IQCM: variants seen among roughly 807,000 people sequenced by gnomAD.
The protein encoded by IQCM is IQ motif containing M, also known as IQ domain-containing protein M.
In IQCM, 45 loss-of-function variants were observed where a neutral mutation model predicts 57.6. The ratio of observed to expected loss-of-function variants is 0.78; its 90% CI spans 0.62 to 1.00. IQCM has a LOEUF of 1.00. Among genes scored for constraint, IQCM ranks in the 50% least tolerant of loss-of-function variants. The pLI is 0.00. For missense variants in IQCM, 468 were observed against 511.6 expected, an observed-to-expected ratio of 0.91 and a Z score of 0.82; for synonymous variants, 148 against 158.9, an observed-to-expected ratio of 0.93 and a Z score of 0.51.
intron 9 of IQCM, among the ~76,000 whole-genome samples, chr4:149,578,681 A>T (rs1751887764): frequency 6.6e-6 from 1 of 151,876 alleles, no homozygotes; most frequent in Non-Finnish European, 1.5e-5. Context: ...TTTAGATTAT[A>T]GGGCTCCAGA....
At chr4:149,738,367 T>A (rs1202470091) in intron 3 of IQCM, among the ~76,000 whole-genome samples, 2 of 152,166 alleles carry the variant, frequency 1.3e-5, no homozygotes, top group African/African-American at 4.8e-5. Context: ...TGCAGCTGTT[T>A]CGACTTCCCC....
intron 2 of IQCM, among the ~76,000 whole-genome samples, chr4:149,752,562 A>AAAC (rs1349959217): frequency 6.6e-6 from 1 of 151,880 alleles, no homozygotes; most frequent in Non-Finnish European, 1.5e-5. Context: ...AAAAAAAAAA[A>AAAC]AAAAATGGCT....
At chr4:149,591,464 T>C (rs902637353) in intron 8 of IQCM, among the ~76,000 whole-genome samples, 9 of 152,090 alleles carry the variant, frequency 5.9e-5, no homozygotes, top group Non-Finnish European at 1.5e-5. Flanking sequence ...GGTTTTTTTT[T>C]TTAATACTTT....
chr4:149,511,135 T>C (rs1463522968), intron 12 of IQCM, among the ~76,000 whole-genome samples: 2 of 152,212 alleles, frequency 1.3e-5, no homozygotes, highest in Non-Finnish European at 2.9e-5. Flanking sequence ...GACATGTCTA[T>C]GATATTCTTC....
chr4:149,413,083 TG>T (rs1277408849), intron 13 of IQCM, among the ~76,000 whole-genome samples: 1 of 152,192 alleles, frequency 6.6e-6, no homozygotes, highest in Non-Finnish European at 1.5e-5. Context: ...TGAACATGTA[TG>T]CACATTATAA....
At chr4:149,399,373 C>T (rs759199829) in intron 13 of IQCM, among the ~76,000 whole-genome samples, 11 of 151,312 alleles carry the variant, frequency 7.3e-5, no homozygotes, top group South Asian at 2.1e-4. Flanking sequence ...ATTAATTAGA[C>T]GAAGTGGAAG....
At chr4:149,592,465 G>T (rs1753291349) in intron 8 of IQCM, among the ~76,000 whole-genome samples, 1 of 151,952 alleles carries the variant, frequency 6.6e-6, no homozygotes, top group Admixed American at 6.6e-5. Flanking sequence ...AGTTTAATTA[G>T]ATCCCATTTG....
chr4:149,793,848 G>C (rs773926934), intron 2 of IQCM: 6 of 152,210 alleles, frequency 3.9e-5, no homozygotes, highest in Non-Finnish European at 5.9e-5. Context: ...CATTCTAAAT[G>C]CATGCTACTG....
intron 2 of IQCM, among the ~76,000 whole-genome samples, chr4:149,763,034 T>C (rs1301655270): frequency 1.3e-5 from 2 of 152,082 alleles, no homozygotes; most frequent in Non-Finnish European, 2.9e-5. Context: ...AGAAGTTAAA[T>C]TCAAAAGGCT....
intron 13 of IQCM, among the ~76,000 whole-genome samples, chr4:149,385,410 G>A (rs1446924162): frequency 6.6e-6 from 1 of 152,048 alleles, no homozygotes; most frequent in Non-Finnish European, 1.5e-5. Context: ...AATAGGGTAA[G>A]TTGACGAAAC....
At chr4:149,686,716 G>T (rs1762566567) in intron 5 of IQCM, among the ~76,000 whole-genome samples, 1 of 151,520 alleles carries the variant, frequency 6.6e-6, no homozygotes, top group African/African-American at 2.4e-5. Context: ...TATCAGAAAG[G>T]AGATTGCTCT....
intron 2 of IQCM, among the ~76,000 whole-genome samples, chr4:149,801,048 C>G (rs79182611): frequency 1.3e-5 from 2 of 151,678 alleles, no homozygotes; most frequent in East Asian, 3.9e-4. Flanking sequence ...ATTTTTGGGG[C>G]AAAATATTTG....
intron 2 of IQCM, among the ~76,000 whole-genome samples, chr4:149,779,934 T>C (rs573179454): frequency 6.6e-6 from 1 of 152,204 alleles, no homozygotes; most frequent in East Asian, 1.9e-4. Flanking sequence ...ACAAAATTGG[T>C]GAAACACTGA....
At chr4:149,725,004 A>T (rs956212989) in intron 5 of IQCM, among the ~76,000 whole-genome samples, 3 of 152,158 alleles carry the variant, frequency 2.0e-5, no homozygotes, top group Non-Finnish European at 1.5e-5. Flanking sequence ...GTACTGTAGA[A>T]TATCTATACA....
At chr4:149,409,816 T>C (rs1218137190) in intron 13 of IQCM, among the ~76,000 whole-genome samples, 1 of 152,130 alleles carries the variant, frequency 6.6e-6, no homozygotes, top group Non-Finnish European at 1.5e-5. Flanking sequence ...GCAGCAGCAA[T>C]AGCCTGTTAT....
intron 2 of IQCM, among the ~76,000 whole-genome samples, chr4:149,759,747 G>A (rs1427108444): frequency 2.0e-5 from 3 of 151,962 alleles, no homozygotes; most frequent in Non-Finnish European, 4.4e-5. Context: ...CCATACCTAT[G>A]AAAAGCAAAG....
At position 149,393,349 on chromosome 4, in the gene IQCM, T is replaced by C. The variant is rs1336954082; in HGVS notation, c.1390+40047A>G. On this transcript the variant is annotated intron_variant, in intron 13 of 13. Coordinates refer to ENST00000636793, the MANE Select transcript of IQCM (RefSeq NM_001363507.2). ...GAAATGAGCAAGCCATAAAAAAGTGTTGAAAAAATTAGCCAGAAGGTAGAG... is the reference window on the plus strand; with the variant it reads ...GAAATGAGCAAGCCATAAAAAAGTGCTGAAAAAATTAGCCAGAAGGTAGAG... Among the ~76,000 whole-genome samples the C allele has an allele frequency of 2.0e-5, 3 of 151,716 alleles. No homozygotes were observed. The East Asian group carries it at 5.8e-4, about 30-fold the overall frequency.
At chr4:149,809,061 G>A (rs1416048357) in intron 2 of IQCM, among the ~76,000 whole-genome samples, 7 of 152,168 alleles carry the variant, frequency 4.6e-5, no homozygotes, top group African/African-American at 1.4e-4. Flanking sequence ...CTCAGCACCT[G>A]CAGAGAGTGT....
intron 13 of IQCM, among the ~76,000 whole-genome samples, chr4:149,424,740 A>G (rs1019380775): frequency 3.3e-5 from 5 of 151,956 alleles, no homozygotes; most frequent in Non-Finnish European, 7.4e-5. Context: ...TTTATGAATC[A>G]TAATTTATTT....
Sources: allele counts gnomAD v4.1 joint callset (sites outside exome capture counted in the v4.1 genomes callset), GRCh38; gene constraint gnomAD v4.1.1; transcripts MANE v1.5; gene names NCBI Gene and HGNC (gene_info 2026-07-23, HGNC 2026-07-21).